The following NOPCHAP1 variants were observed in gnomAD, a reference collection of about 807,000 sequenced individuals.
The protein encoded by NOPCHAP1 is NOP protein chaperone 1.
Under a neutral mutation model 14.0 loss-of-function variants are expected in NOPCHAP1, and 13 were observed. The observed-to-expected ratio is 0.93, with a 90% CI of 0.60 to 1.47. The LOEUF is 1.47. NOPCHAP1 is among the 40% of genes most tolerant of loss of function. The pLI, the probability that NOPCHAP1 is intolerant of heterozygous loss-of-function variation, is 0.00. For synonymous variants in NOPCHAP1, 78 were observed against 78.4 expected (o/e 1.00, Z 0.03); for missense variants, 230 against 226.9 (o/e 1.01, Z -0.09).
intron 1 of NOPCHAP1, among the ~76,000 whole-genome samples, chr12:104,987,774 T>C (rs1176096274): frequency 6.6e-6 from 1 of 152,204 alleles, no homozygotes; most frequent in African/African-American, 2.4e-5. Context: ...TGCTTGAAGA[T>C]CAGGTAAGTT....
At position 105,014,808 on chromosome 12, in the gene NOPCHAP1, C is replaced by T. The variant is rs1476452187; in HGVS notation, c.*20112C>T. On this transcript the variant is annotated 3_prime_UTR_variant, in exon 4 of 4. Transcript: ENST00000552951. ...GGCATAGTACAAAGAAAGGCGACAG[C>T]TGGTTTTCCCTTCCAAAGGTCAAAA... 3 of 152,186 alleles carry T rather than the reference C, an allele frequency of 2.0e-5. No individual in the cohort carries two copies. The highest frequency in any genetic ancestry group is 2.9e-5 in the Non-Finnish European group (2 of 68,044). The allele number at this position is 152,186 out of a possible 1,614,324, so 9.4% of individuals were successfully genotyped here. A position where few individuals can be genotyped will look rare whatever the true frequency, so the allele number is the denominator to read the frequency against.
rs772595028 is a variant in NOPCHAP1, at chr12:104,988,076, C to A, written c.116-91C>A. 6.6e-5 allele frequency: 68 copies of A among 1,031,582 alleles called. 1 individual carries two copies. The highest frequency in any genetic ancestry group is 6.3e-5 in the Non-Finnish European group (43 of 686,028). 63.9% of individuals were successfully genotyped at this position (1,031,582 alleles called of 1,614,324 possible). A position where few individuals can be genotyped will look rare whatever the true frequency, so the allele number is the denominator to read the frequency against. ...TTTGGGGGAGTGTGGACAGTCAAGT[C>A]TTAAGACTGGTCATGTGAGAGGCTT... On this transcript the variant is annotated intron_variant, in intron 1 of 3. Coordinates refer to ENST00000552951, the MANE Select transcript of NOPCHAP1 (RefSeq NM_152318.3).
At position 104,995,949 on chromosome 12, in the gene NOPCHAP1, A is replaced by C. The variant is rs1456821470; in HGVS notation, c.*1253A>C. The C allele has an allele frequency of 6.6e-6, 1 of 151,926 alleles. No homozygotes were observed. The highest frequency in any genetic ancestry group is 1.5e-5 in the Non-Finnish European group (1 of 68,012). The allele number at this position is 151,926 out of a possible 1,614,324, so 9.4% of individuals were successfully genotyped here. On this transcript the variant is annotated 3_prime_UTR_variant, in exon 4 of 4. Transcript: ENST00000552951. Reference sequence around the variant, plus strand: ...GTGTTCCACCCTTCTTGACCTGCCAAAGTGTTGGGATTACAGGCATGAGCC... The same window carrying C: ...GTGTTCCACCCTTCTTGACCTGCCACAGTGTTGGGATTACAGGCATGAGCC...
At position 104,995,007 on chromosome 12, in the gene NOPCHAP1, C is replaced by G. The variant is rs1873469098; in HGVS notation, c.*311C>G. 3.0e-6 allele frequency: 1 copy of G among 337,754 alleles called. No homozygotes were observed. Among genetic ancestry groups the G allele is most frequent in the Non-Finnish European group, 5.5e-6 (1 of 181,508 alleles). The allele number at this position is 337,754 out of a possible 1,614,324, so 20.9% of individuals were successfully genotyped here. A position where few individuals can be genotyped will look rare whatever the true frequency, so the allele number is the denominator to read the frequency against. The stretch of plus-strand genomic sequence containing the variant: ...CAGCTAGGTGTTTGCCTAAATAAGG[C>G]AAAGAGGAGACCTAAGGCTGCCTGA... On this transcript the variant is annotated 3_prime_UTR_variant, in exon 4 of 4. Transcript: ENST00000552951.
chr12:104,988,052 T>C (rs955767536), intron 1 of NOPCHAP1, 115 bp from the exon 2 acceptor site: 7 of 684,356 alleles, frequency 1.0e-5, no homozygotes, highest in African/African-American at 5.4e-5. Context: ...AAAAAAAATT[T>C]TGGGGGAGTG....
Position 105,011,392 on chromosome 12 carries a change from C to T in NOPCHAP1, c.*16696C>T, listed in dbSNP as rs1276101619. ...GTGTCTTTGCACATGAGATGGGTCT[C>T]CTGAATACAGCACACTGATGGGTCT... is the stretch of plus-strand genomic sequence containing the variant. On this transcript the variant is annotated 3_prime_UTR_variant, in exon 4 of 4. Coordinates refer to ENST00000552951, the MANE Select transcript of NOPCHAP1 (RefSeq NM_152318.3). 1.3e-5 allele frequency: 2 copies of T among 152,096 alleles called. No individual in the cohort carries two copies. Among genetic ancestry groups the T allele is most frequent in the Non-Finnish European group, 2.9e-5 (2 of 68,024 alleles). The allele number at this position is 152,096 out of a possible 1,614,324, so 9.4% of individuals were successfully genotyped here. A position where few individuals can be genotyped will look rare whatever the true frequency, so the allele number is the denominator to read the frequency against.
rs1478108960 is a variant in NOPCHAP1 at position 105,004,960 on chromosome 12, A to G, written c.*10264A>G. The G allele has an allele frequency of 6.6e-6, 1 of 152,250 alleles. No individual in the cohort carries two copies. Among genetic ancestry groups the G allele is most frequent in the Admixed American group, 6.5e-5 (1 of 15,278 alleles). The allele number at this position is 152,250 out of a possible 1,614,324, so 9.4% of individuals were successfully genotyped here. A position where few individuals can be genotyped will look rare whatever the true frequency, so the allele number is the denominator to read the frequency against. ...AAAAGAAAATATCACTAAGGAAATC[A>G]GGAAGAGAAATATATACTTACTGTT... is the stretch of plus-strand genomic sequence containing the variant. On this transcript the variant is annotated 3_prime_UTR_variant, in exon 4 of 4. Coordinates refer to ENST00000552951, the MANE Select transcript of NOPCHAP1 (RefSeq NM_152318.3).
rs1439455448 is a variant in NOPCHAP1, at chr12:105,008,433, T to A, written c.*13737T>A. ...AAAAACTTTCTCCCATTCTATAGGTTGCTGGTTCACTCTGATGATAGTTTA... is the reference window on the plus strand; with the variant it reads ...AAAAACTTTCTCCCATTCTATAGGTAGCTGGTTCACTCTGATGATAGTTTA... On this transcript the variant is annotated 3_prime_UTR_variant, in exon 4 of 4. Coordinates refer to ENST00000552951, the MANE Select transcript of NOPCHAP1 (RefSeq NM_152318.3). 1.3e-5 allele frequency: 2 copies of A among 152,212 alleles called. No individual in the cohort carries two copies. The highest frequency in any genetic ancestry group is 2.4e-5 in the African/African-American group (1 of 41,456). The allele number at this position is 152,212 out of a possible 1,614,324, so 9.4% of individuals were successfully genotyped here.
In NOPCHAP1 at chr12:105,002,614, T is replaced by C. The variant is rs971877140; in HGVS notation, c.*7918T>C. The C allele has an allele frequency of 2.6e-5, 4 of 152,234 alleles. No individual in the cohort carries two copies. The highest frequency in any genetic ancestry group is 4.8e-5 in the African/African-American group (2 of 41,464). 9.4% of individuals were successfully genotyped at this position (152,234 alleles called of 1,614,324 possible). A position where few individuals can be genotyped will look rare whatever the true frequency, so the allele number is the denominator to read the frequency against. On this transcript the variant is annotated 3_prime_UTR_variant, in exon 4 of 4. Coordinates refer to ENST00000552951, the MANE Select transcript of NOPCHAP1 (RefSeq NM_152318.3). The stretch of plus-strand genomic sequence containing the variant: ...TTTCAACAATTTTTCTAGGTCTCAT[T>C]GGCCCTACTCTTGATGAGGTTTTGG...
intron 2 of NOPCHAP1, among the ~76,000 whole-genome samples, chr12:104,990,725 T>C (rs1217434225): frequency 6.6e-6 from 1 of 152,230 alleles, no homozygotes; most frequent in African/African-American, 2.4e-5. Context: ...GACTGACAGT[T>C]ATCACTCCTC....
chr12:105,000,988 T>C lies in NOPCHAP1; in HGVS notation c.*6292T>C, dbSNP rs938613427. On this transcript the variant is annotated 3_prime_UTR_variant, in exon 4 of 4. Transcript: ENST00000552951. ...TGGATCTAGTTGCCCATAAGGCCAA[T>C]GGTAATACCTTTGGACGAGGCAATT... 2 of 151,240 alleles carry C rather than the reference T, an allele frequency of 1.3e-5. No homozygotes were observed. Among genetic ancestry groups the C allele is most frequent in the Non-Finnish European group, 2.9e-5 (2 of 67,820 alleles). The allele number at this position is 151,240 out of a possible 1,614,324, so 9.4% of individuals were successfully genotyped here. A position where few individuals can be genotyped will look rare whatever the true frequency, so the allele number is the denominator to read the frequency against.
At chr12:104,990,652 G>A (rs915485135) in intron 2 of NOPCHAP1, among the ~76,000 whole-genome samples, 3 of 152,082 alleles carry the variant, frequency 2.0e-5, no homozygotes, top group Non-Finnish European at 4.4e-5. Context: ...GTTATGTGCT[G>A]GGCCTCTTTT....
In NOPCHAP1 at chr12:105,008,969, C is replaced by CT; in HGVS notation, c.*14278dup. ...TAGGATTGTCTTGGCTATATGGGCT[C>CT]TTTTTGGGTTTCATATGAAATTTAA... On this transcript the variant is annotated 3_prime_UTR_variant, in exon 4 of 4. Transcript: ENST00000552951. 2 of 152,220 alleles carry CT rather than the reference C, an allele frequency of 1.3e-5. No homozygotes were observed. The highest frequency in any genetic ancestry group is 2.9e-5 in the Non-Finnish European group (2 of 68,028). 9.4% of individuals were successfully genotyped at this position (152,220 alleles called of 1,614,324 possible). A position where few individuals can be genotyped will look rare whatever the true frequency, so the allele number is the denominator to read the frequency against.
At chr12:104,991,089 C>T (rs1039554506) in intron 2 of NOPCHAP1, among the ~76,000 whole-genome samples, 1 of 152,166 alleles carries the variant, frequency 6.6e-6, no homozygotes, top group Admixed American at 6.5e-5. Context: ...ATTTCTCTCT[C>T]AACAGTTCCA....
chr12:105,012,803 CA>C lies in NOPCHAP1; in HGVS notation c.*18108del, dbSNP rs1358043870. On this transcript the variant is annotated 3_prime_UTR_variant, in exon 4 of 4. Coordinates refer to ENST00000552951, the MANE Select transcript of NOPCHAP1 (RefSeq NM_152318.3). ...CTCCAGACCCTGTTTACCTGGGTATCACCAGCAGAGGCTGCAGAACAGCAAA... is the reference window on the plus strand; with the variant it reads ...CTCCAGACCCTGTTTACCTGGGTATCCCAGCAGAGGCTGCAGAACAGCAAA... The C allele has an allele frequency of 6.6e-6, 1 of 152,552 alleles. No individual in the cohort carries two copies. Among genetic ancestry groups the C allele is most frequent in the East Asian group, 1.9e-4 (1 of 5,214 alleles). The allele number at this position is 152,552 out of a possible 1,614,324, so 9.4% of individuals were successfully genotyped here. A position where few individuals can be genotyped will look rare whatever the true frequency, so the allele number is the denominator to read the frequency against.
In NOPCHAP1 at chr12:104,991,993, A is replaced by G. The variant is rs939884661; in HGVS notation, c.339+145A>G. 4.3e-5 allele frequency: 42 copies of G among 988,234 alleles called. No homozygotes were observed. In the East Asian group the frequency reaches 1.2e-3, roughly 29 times the overall value. 61.2% of individuals were successfully genotyped at this position (988,234 alleles called of 1,614,324 possible). On this transcript the variant is annotated intron_variant, in intron 3 of 3. Coordinates refer to ENST00000552951, the MANE Select transcript of NOPCHAP1 (RefSeq NM_152318.3). ...TGTTGTATAGGTACATAGTCATTTT[A>G]TGATTTAGTCATTTTAGTCATATGA...
At chr12:104,992,634 C>G (rs1303204281) in intron 3 of NOPCHAP1, among the ~76,000 whole-genome samples, 1 of 152,148 alleles carries the variant, frequency 6.6e-6, no homozygotes, top group African/African-American at 2.4e-5. Context: ...TGGTCTGTGG[C>G]CTGTTAGGAA....
chr12:104,986,486 C>T lies in NOPCHAP1; in HGVS notation c.115+19C>T, dbSNP rs1240960812. 2 of 1,574,990 alleles carry T rather than the reference C, an allele frequency of 1.3e-6. No homozygotes were observed. The highest frequency in any genetic ancestry group is 1.7e-6 in the Non-Finnish European group (2 of 1,157,372). ...CGCGGAGGTGACGGACGGGTGACGGCGGCATGGGCCGCACACGTGCGGCAG... is the reference window on the plus strand; with the variant it reads ...CGCGGAGGTGACGGACGGGTGACGGTGGCATGGGCCGCACACGTGCGGCAG... On this transcript the variant is annotated intron_variant, in intron 1 of 3. Coordinates refer to ENST00000552951, the MANE Select transcript of NOPCHAP1 (RefSeq NM_152318.3).
At position 104,996,782 on chromosome 12, in the gene NOPCHAP1, T is replaced by C. The variant is rs1873509874; in HGVS notation, c.*2086T>C. On this transcript the variant is annotated 3_prime_UTR_variant, in exon 4 of 4. Transcript: ENST00000552951. ...TGCTTTATGAATCTGGGTGCTTCTC[T>C]GTTGGGTGCATGTATGTTTAGGATA... 6.6e-6 allele frequency: 1 copy of C among 152,252 alleles called. No individual in the cohort carries two copies. Among genetic ancestry groups the C allele is most frequent in the Admixed American group, 6.5e-5 (1 of 15,286 alleles). 9.4% of individuals were successfully genotyped at this position (152,252 alleles called of 1,614,324 possible).
Sources: gnomAD v4.1 joint callset for allele counts (sites outside exome capture counted in the v4.1 genomes callset) on GRCh38, gnomAD v4.1.1 for gene constraint, MANE v1.5 for transcripts, NCBI Gene and HGNC (gene_info 2026-07-23, HGNC 2026-07-21) for gene names.